Variants in ZDHHC20 observed in about 807,000 individuals in gnomAD.
ZDHHC20 encodes the protein palmitoyltransferase ZDHHC20.
Under a neutral mutation model 57.8 loss-of-function variants are expected in ZDHHC20, and 43 were observed. That is an observed-to-expected ratio of 0.74 (90% CI 0.58 to 0.96). ZDHHC20 has a LOEUF of 0.96. Ranked by LOEUF, ZDHHC20 falls within the 40% of genes least tolerant of loss-of-function variation. The pLI is 0.00. For synonymous variants in ZDHHC20, 157 were observed against 153.0 expected (o/e 1.03, Z -0.19); for missense variants, 391 against 441.1 (o/e 0.89, Z 1.02).
At chr13:21,456,720 C>T (rs1024288621) in intron 1 of ZDHHC20, among the ~76,000 whole-genome samples, 1 of 152,170 alleles carries the variant, frequency 6.6e-6, no homozygotes, top group South Asian at 2.1e-4. Flanking sequence ...GACCTTTCAC[C>T]ACCAAATATT....
chr13:21,413,392 G>A (rs1027919389), intron 4 of ZDHHC20, among the ~76,000 whole-genome samples: 1 of 151,978 alleles, frequency 6.6e-6, no homozygotes, highest in Admixed American at 6.6e-5. Flanking sequence ...AGCCATGAAA[G>A]TTGAGTTGGG....
chr13:21,388,055 A>G (rs553928465), intron 8 of ZDHHC20, among the ~76,000 whole-genome samples: 13 of 152,294 alleles, frequency 8.5e-5, no homozygotes, highest in Admixed American at 6.5e-4. Context: ...CCTAGAGTCT[A>G]GCAAAAATTA....
Position 21,455,672 on chromosome 13 carries a change from G to GTC in ZDHHC20, c.118+3380_118+3381dup, listed in dbSNP as rs1555267289. ...TGTGTGTGTGTGTGTGTGTGTGTGT[G>GTC]TCTAATTACACAATTAGCAAGTTAC... On this transcript the variant is annotated intron_variant, in intron 1 of 12. Coordinates refer to ENST00000400590, the MANE Select transcript of ZDHHC20 (RefSeq NM_001330059.2). 5.1e-5 allele frequency among the ~76,000 whole-genome samples: 7 copies of GTC among 136,924 alleles called. No individual in the cohort carries two copies. In the East Asian group the frequency reaches 6.1e-4, roughly 12 times the overall value. 89.8% of individuals were successfully genotyped at this position (136,924 alleles called of 152,430 possible).
At chr13:21,445,701 A>G (rs907064358) in intron 1 of ZDHHC20, among the ~76,000 whole-genome samples, 1 of 152,220 alleles carries the variant, frequency 6.6e-6, no homozygotes, top group Non-Finnish European at 1.5e-5. Context: ...CATTCAACAA[A>G]TATCTATTGA....
intron 2 of ZDHHC20, among the ~76,000 whole-genome samples, chr13:21,423,296 A>C (rs1395075294): frequency 6.6e-6 from 1 of 152,188 alleles, no homozygotes; most frequent in Non-Finnish European, 1.5e-5. Context: ...TGTCATACAC[A>C]TTAAAAACTG....
chr13:21,436,490 T>G (rs1882556754), intron 1 of ZDHHC20, among the ~76,000 whole-genome samples: 1 of 152,222 alleles, frequency 6.6e-6, no homozygotes, highest in Non-Finnish European at 1.5e-5. Flanking sequence ...TTCAACCTTT[T>G]TCATTATCAT....
In ZDHHC20 at chr13:21,459,240, A is replaced by G; in HGVS notation, c.-69T>C. ...GAGCGCGGGAGCCCCGGCGACGGTG[A>G]CTCGGACGCTCCAGGCGGCTGCTGG... On this transcript the variant is annotated 5_prime_UTR_variant, in exon 1 of 13. Coordinates refer to ENST00000400590, the MANE Select transcript of ZDHHC20 (RefSeq NM_001330059.2). The G allele has an allele frequency of 7.9e-7, 1 of 1,263,210 alleles. No homozygotes were observed. The highest frequency in any genetic ancestry group is 1.1e-6 in the Non-Finnish European group (1 of 916,112). The allele number at this position is 1,263,210 out of a possible 1,614,324, so 78.3% of individuals were successfully genotyped here. A position where few individuals can be genotyped will look rare whatever the true frequency, so the allele number is the denominator to read the frequency against.
intron 3 of ZDHHC20, among the ~76,000 whole-genome samples, chr13:21,415,814 C>T (rs1051314551): frequency 3.3e-5 from 5 of 152,082 alleles, no homozygotes; most frequent in African/African-American, 1.2e-4. Flanking sequence ...AAAACTTCAA[C>T]AGATTTCCCT....
chr13:21,393,564 G>A (rs550747190), intron 7 of ZDHHC20, among the ~76,000 whole-genome samples: 18 of 151,110 alleles, frequency 1.2e-4, no homozygotes, highest in African/African-American at 4.4e-4. Flanking sequence ...AATTAGCCAG[G>A]CATGGTGGTA....
chr13:21,393,188 T>C (rs957708564), intron 7 of ZDHHC20, among the ~76,000 whole-genome samples: 2 of 145,164 alleles, frequency 1.4e-5, no homozygotes, highest in African/African-American at 2.5e-5. Flanking sequence ...TTTTCTTTTT[T>C]CTTTTTTTTT....
intron 4 of ZDHHC20, among the ~76,000 whole-genome samples, chr13:21,413,321 CATA>C (rs1215281734): frequency 6.6e-6 from 1 of 151,922 alleles, no homozygotes; most frequent in Admixed American, 6.6e-5. Context: ...AGTGATGACA[CATA>C]ATACTCAAAT....
chr13:21,403,469 T>C (rs933246921), intron 4 of ZDHHC20, among the ~76,000 whole-genome samples: 2 of 152,200 alleles, frequency 1.3e-5, no homozygotes, highest in Non-Finnish European at 2.9e-5. Flanking sequence ...GTGCCAGATA[T>C]TGTTCATGCC....
chr13:21,408,739 G>A (rs1471792397), intron 4 of ZDHHC20, among the ~76,000 whole-genome samples: 1 of 152,114 alleles, frequency 6.6e-6, no homozygotes, highest in Non-Finnish European at 1.5e-5. Context: ...TATGATATTG[G>A]CTGTGGGTTT....
intron 1 of ZDHHC20, among the ~76,000 whole-genome samples, chr13:21,433,405 CAGG>C (rs1281375292): frequency 6.6e-6 from 1 of 152,098 alleles, no homozygotes; most frequent in Non-Finnish European, 1.5e-5. Context: ...ATCATGAGGT[CAGG>C]AGATCGAGAC....
At chr13:21,418,579 G>C (rs1453036939) in intron 3 of ZDHHC20, among the ~76,000 whole-genome samples, 1 of 152,078 alleles carries the variant, frequency 6.6e-6, no homozygotes, top group African/African-American at 2.4e-5. Flanking sequence ...ATCAACTAAG[G>C]AAAGTCTCCA....
intron 1 of ZDHHC20, among the ~76,000 whole-genome samples, chr13:21,436,893 G>A (rs1566107221): frequency 6.6e-6 from 1 of 152,172 alleles, no homozygotes; most frequent in Non-Finnish European, 1.5e-5. Flanking sequence ...AAAAGTTCTT[G>A]AAGAAAATTA....
At chr13:21,442,504 C>G (rs1420653823) in intron 1 of ZDHHC20, among the ~76,000 whole-genome samples, 1 of 152,156 alleles carries the variant, frequency 6.6e-6, no homozygotes, top group African/African-American at 2.4e-5. Flanking sequence ...CCCGTAATCC[C>G]AGCACTTTGG....
rs1310950820 is a variant in ZDHHC20 at position 21,373,349 on chromosome 13, T to C, written c.*3347A>G. 6.6e-6 allele frequency: 1 copy of C among 152,320 alleles called. No individual in the cohort carries two copies. Among genetic ancestry groups the C allele is most frequent in the Non-Finnish European group, 1.5e-5 (1 of 68,012 alleles). The allele number at this position is 152,320 out of a possible 1,614,324, so 9.4% of individuals were successfully genotyped here. A position where few individuals can be genotyped will look rare whatever the true frequency, so the allele number is the denominator to read the frequency against. Reference sequence around the variant, plus strand: ...CTTAATTTAAACCGTCCTGTAAACATAGTCAAAATCTGCTAATAGAAATAC... The same window carrying C: ...CTTAATTTAAACCGTCCTGTAAACACAGTCAAAATCTGCTAATAGAAATAC... On this transcript the variant is annotated 3_prime_UTR_variant, in exon 13 of 13. Coordinates refer to ENST00000400590, the MANE Select transcript of ZDHHC20 (RefSeq NM_001330059.2).
intron 2 of ZDHHC20, among the ~76,000 whole-genome samples, chr13:21,425,369 G>A (rs553281561): frequency 2.0e-5 from 3 of 152,072 alleles, no homozygotes; most frequent in South Asian, 4.1e-4. Flanking sequence ...AAGAACATAT[G>A]AGACAAATAT....
Sources: gnomAD v4.1 joint callset for allele counts (sites outside exome capture counted in the v4.1 genomes callset) on GRCh38, gnomAD v4.1.1 for gene constraint, MANE v1.5 for transcripts, NCBI Gene and HGNC (gene_info 2026-07-23, HGNC 2026-07-21) for gene names.